Variants in C3orf18 observed in about 807,000 individuals in gnomAD.
C3orf18 encodes the protein uncharacterized protein C3orf18.
C3orf18 carries 12 observed loss-of-function variants against 14.1 expected under a neutral mutation model. That is an observed-to-expected ratio of 0.85 (90% CI 0.55 to 1.38). C3orf18 has a LOEUF of 1.38. Ranked by LOEUF, C3orf18 falls within the 40% of genes most tolerant of loss-of-function variation. The pLI is 0.00. For synonymous variants in C3orf18, 82 were observed against 87.9 expected (o/e 0.93, Z 0.38); for missense variants, 196 against 213.9 (o/e 0.92, Z 0.52).
chr3:50,562,333 C>T, intron 3 of C3orf18: 1 of 375,048 alleles, frequency 2.7e-6, no homozygotes, highest in South Asian at 2.0e-5. Context: ...ATTGGCTGGG[C>T]TGCCAATACT....
At chr3:50,572,305 A>G, upstream of C3orf18, 2 of 1,347,218 alleles carry the variant, frequency 1.5e-6, no homozygotes, top group Non-Finnish European at 2.1e-6. Flanking sequence ...CTGGGGCCCC[A>G]TGACTTCAGG....
intron 3 of C3orf18, among the ~76,000 whole-genome samples, chr3:50,564,074 G>A (rs1700145473): frequency 6.6e-6 from 1 of 152,232 alleles, no homozygotes; most frequent in Admixed American, 6.5e-5. Context: ...TCTGGAGCCT[G>A]TGGGGCCCAT....
intron 1 of C3orf18, 56 bp downstream of exon 1, chr3:50,567,407 T>A (rs1471497616): frequency 6.6e-6 from 1 of 152,604 alleles, no homozygotes; most frequent in Non-Finnish European, 1.5e-5. Context: ...CATGCCCGCC[T>A]CCGCGACCCT....
At chr3:50,564,695 G>C (rs1308597279) in intron 3 of C3orf18, among the ~76,000 whole-genome samples, 1 of 152,182 alleles carries the variant, frequency 6.6e-6, no homozygotes. Context: ...TCCAGGGCAG[G>C]TACTCAGTAA....
intron 3 of C3orf18, chr3:50,562,473 G>A (rs1372734909): frequency 2.2e-6 from 1 of 454,420 alleles, no homozygotes; most frequent in South Asian, 1.6e-5. Context: ...AAAAGTAAAG[G>A]GACCCGGTAA....
At position 50,561,011 on chromosome 3, in the gene C3orf18, T is replaced by C. The variant is rs1699932651; in HGVS notation, c.314A>G (p.Glu105Gly). The C allele has an allele frequency of 6.2e-7, 1 of 1,614,152 alleles. No individual in the cohort carries two copies. The highest frequency in any genetic ancestry group is 1.3e-5 in the African/African-American group (1 of 75,058). Residue 105 changes from glutamate (E) to glycine (G), a missense_variant, in exon 5 of 6, where the codon GAG (glutamate) becomes GGG (glycine). Physicochemically the swap from Glu to Gly is moderately conservative, Grantham distance 98. Coordinates refer to ENST00000357203, the MANE Select transcript of C3orf18 (RefSeq NM_016210.5). ...CTCCTGCTCCAACTCATCTTGTTCC[T>C]CCGTGGGGTCGAAGTTGTACATGGG... The part of the protein sequence containing the change: ...LMPMYNFDPT[E>G]EQDELEQELL...
chr3:50,559,212 C>T lies in C3orf18; in HGVS notation c.*445G>A, dbSNP rs1402812214. ...CTGTCCCTATAACTTGGGTGGTTTC[C>T]TCTCCCCACCCCAGAGGAGGCTCCA... On this transcript the variant is annotated 3_prime_UTR_variant, in exon 6 of 6. Transcript: ENST00000357203. The T allele has an allele frequency of 1.6e-6, 2 of 1,289,584 alleles. No individual in the cohort carries two copies. The highest frequency in any genetic ancestry group is 2.0e-6 in the Non-Finnish European group (2 of 989,188). 79.9% of individuals were successfully genotyped at this position (1,289,584 alleles called of 1,614,324 possible). A position where few individuals can be genotyped will look rare whatever the true frequency, so the allele number is the denominator to read the frequency against.
upstream of C3orf18, chr3:50,571,592 AGAT>A (rs560827837): frequency 6.6e-4 from 638 of 961,868 alleles, 6 homozygotes; most frequent in Middle Eastern, 2.6e-4. Context: ...CTCTGGGCCC[AGAT>A]GATGAGAGGG....
upstream of C3orf18, chr3:50,571,188 A>G: frequency 6.2e-7 from 1 of 1,613,748 alleles, no homozygotes; most frequent in African/African-American, 1.3e-5. Flanking sequence ...CCTTCAGCTC[A>G]TGGCAACCCC....
chr3:50,566,035 G>C lies in C3orf18; in HGVS notation c.-192C>G, dbSNP rs1302932583. 4.2e-6 allele frequency: 1 copy of C among 239,436 alleles called. No individual in the cohort carries two copies. The highest frequency in any genetic ancestry group is 2.3e-5 in the African/African-American group (1 of 44,152). 14.8% of individuals were successfully genotyped at this position (239,436 alleles called of 1,614,324 possible). On this transcript the variant is annotated 5_prime_UTR_variant, in exon 2 of 6. Transcript: ENST00000357203. ...CGTATCTACGGTGCCCCTGTTTTTGGGAACAAAAATGAAGCCCTGCATCCT... is the reference window on the plus strand; with the variant it reads ...CGTATCTACGGTGCCCCTGTTTTTGCGAACAAAAATGAAGCCCTGCATCCT...
In C3orf18 at chr3:50,558,280, G is replaced by A. The variant is rs551110743; in HGVS notation, c.*1377C>T. On this transcript the variant is annotated 3_prime_UTR_variant, in exon 6 of 6. Transcript: ENST00000357203. ...CCCTGCATCCCCTCCAGCCAGCAGC[G>A]GACAGTGACGGTGGAGAGGCTGGGC... 3 of 168,932 alleles carry A rather than the reference G, an allele frequency of 1.8e-5. No individual in the cohort carries two copies. The highest frequency in any genetic ancestry group is 5.7e-5 in the Admixed American group (1 of 17,622). The allele number at this position is 168,932 out of a possible 1,614,324, so 10.5% of individuals were successfully genotyped here. A position where few individuals can be genotyped will look rare whatever the true frequency, so the allele number is the denominator to read the frequency against.
chr3:50,558,768 C>G lies in C3orf18; in HGVS notation c.*889G>C. On this transcript the variant is annotated 3_prime_UTR_variant, in exon 6 of 6. Coordinates refer to ENST00000357203, the MANE Select transcript of C3orf18 (RefSeq NM_016210.5). ...TGCGTGCTTCCCTCTTCCCTGCAGT[C>G]CCTGAAGATTGAAGGCAGAGAAGAT... is the stretch of plus-strand genomic sequence containing the variant. 1 of 1,289,850 alleles carries G rather than the reference C, an allele frequency of 7.8e-7. No individual in the cohort carries two copies. The highest frequency in any genetic ancestry group is 1.0e-6 in the Non-Finnish European group (1 of 988,876). The allele number at this position is 1,289,850 out of a possible 1,614,324, so 79.9% of individuals were successfully genotyped here.
chr3:50,573,057 A>T (rs1701192579), upstream of C3orf18, among the ~76,000 whole-genome samples: 1 of 152,086 alleles, frequency 6.6e-6, no homozygotes, highest in South Asian at 2.1e-4. Flanking sequence ...CCCTTCTTTC[A>T]CTTTCTCAGC....
rs1471989604 is a variant in C3orf18 at position 50,560,998 on chromosome 3, C to T, written c.327G>A (p.Glu109=). Residue 109 remains glutamate (E), a synonymous_variant, in exon 5 of 6, where the codon GAG becomes GAA. Coordinates refer to ENST00000357203, the MANE Select transcript of C3orf18 (RefSeq NM_016210.5). The part of the protein sequence containing the change: ...YNFDPTEEQD[E]LEQELLEHGR... Reference sequence around the variant, plus strand: ...CATGCTCCAGCAGCTCCTGCTCCAACTCATCTTGTTCCTCCGTGGGGTCGA... The same window carrying T: ...CATGCTCCAGCAGCTCCTGCTCCAATTCATCTTGTTCCTCCGTGGGGTCGA... 2 of 1,614,078 alleles carry T rather than the reference C, an allele frequency of 1.2e-6. No individual in the cohort carries two copies. The highest frequency in any genetic ancestry group is 1.7e-6 in the Non-Finnish European group (2 of 1,180,034).
At chr3:50,562,592 C>T (rs906790272) in intron 3 of C3orf18, 19 of 455,942 alleles carry the variant, frequency 4.2e-5, no homozygotes, top group African/African-American at 3.4e-4. Context: ...CCCGTCTCTA[C>T]AACATGTAAA....
Position 50,565,326 on chromosome 3 carries a change from C to A in C3orf18, c.234+140G>T. ...AGGTTGCAGTGAGCTGAGATCAAGC[C>A]ATTGCACTCCAGCCTGCATGACAGA... On this transcript the variant is annotated intron_variant, in intron 3 of 5. Coordinates refer to ENST00000357203, the MANE Select transcript of C3orf18 (RefSeq NM_016210.5). The surrounding 1 kb of genome is among the most constrained non-coding windows in gnomAD (Gnocchi z 4.4). The A allele has an allele frequency of 1.5e-6, 1 of 682,156 alleles. No individual in the cohort carries two copies. 42.3% of individuals were successfully genotyped at this position (682,156 alleles called of 1,614,324 possible). A position where few individuals can be genotyped will look rare whatever the true frequency, so the allele number is the denominator to read the frequency against.
At chr3:50,562,437 C>T (rs973721208) in intron 3 of C3orf18, 9 of 454,226 alleles carry the variant, frequency 2.0e-5, no homozygotes, top group Admixed American at 9.4e-5. Context: ...CTCAACTCTT[C>T]CCAGGCTCAA....
chr3:50,563,176 C>G (rs1252318899), intron 3 of C3orf18, among the ~76,000 whole-genome samples: 7 of 152,106 alleles, frequency 4.6e-5, no homozygotes, highest in Non-Finnish European at 1.0e-4. Flanking sequence ...TGAAAAGAAA[C>G]TAGGGTATCA....
upstream of C3orf18, chr3:50,571,650 C>A: frequency 1.4e-6 from 2 of 1,474,648 alleles, no homozygotes; most frequent in Non-Finnish European, 1.9e-6. Flanking sequence ...CCACATAAGA[C>A]ACCTGGGTTG....
Sources: gnomAD v4.1 joint callset for allele counts (sites outside exome capture counted in the v4.1 genomes callset) on GRCh38, gnomAD v4.1.1 for gene constraint, Gnocchi (gnomAD v3.1) non-coding constraint, MANE v1.5 for transcripts, NCBI Gene and HGNC (gene_info 2026-07-23, HGNC 2026-07-21) for gene names.